ANKIB1: variants seen among roughly 807,000 people sequenced by gnomAD.
The protein encoded by ANKIB1 is ankyrin repeat and IBR domain containing 1.
In ANKIB1, 43 loss-of-function variants were observed where a neutral mutation model predicts 122.1. The observed-to-expected ratio is 0.35, with a 90% CI of 0.28 to 0.45. The LOEUF is 0.45. ANKIB1 is among the 20% of genes least tolerant of loss of function. The pLI is 1.00. For missense variants in ANKIB1, 992 were observed against 1,329.5 expected, an observed-to-expected ratio of 0.75 and a Z score of 3.95; for synonymous variants, 390 against 442.0, an observed-to-expected ratio of 0.88 and a Z score of 1.48.
intron 14 of ANKIB1, 94 bp downstream of exon 14, chr7:92,388,135 A>G (rs1192766472): frequency 2.6e-6 from 3 of 1,162,536 alleles, no homozygotes; most frequent in Non-Finnish European, 3.7e-6. Flanking sequence ...GGAATACATT[A>G]TGTTCATTAG....
At chr7:92,363,784 A>G (rs1585126908) in intron 10 of ANKIB1, among the ~76,000 whole-genome samples, 1 of 152,078 alleles carries the variant, frequency 6.6e-6, no homozygotes, top group Non-Finnish European at 1.5e-5. Context: ...AGCATTTTAG[A>G]TCTACGAGGG....
chr7:92,270,018 A>G (rs1181392358), intron 1 of ANKIB1, among the ~76,000 whole-genome samples: 5 of 133,008 alleles, frequency 3.8e-5, no homozygotes, highest in African/African-American at 1.5e-4. Context: ...AAGTGATCTC[A>G]TTGTTCAATT....
At chr7:92,325,840 T>C (rs562081835) in intron 4 of ANKIB1, 3 of 337,114 alleles carry the variant, frequency 8.9e-6, no homozygotes, top group Admixed American at 7.1e-5. Flanking sequence ...AATGGTCTTT[T>C]GGTAGCAGTA....
intron 3 of ANKIB1, among the ~76,000 whole-genome samples, chr7:92,308,278 G>C (rs917105819): frequency 1.3e-5 from 2 of 152,132 alleles, no homozygotes; most frequent in African/African-American, 2.4e-5. Flanking sequence ...TTAAAAATTT[G>C]TTGATATCTC....
chr7:92,353,354 T>G (rs1342031042), intron 9 of ANKIB1, among the ~76,000 whole-genome samples: 2 of 152,228 alleles, frequency 1.3e-5, no homozygotes, highest in Non-Finnish European at 2.9e-5. Context: ...GGAAAGGATA[T>G]GTAACTCTGA....
At chr7:92,308,164 C>G (rs1466087500) in intron 3 of ANKIB1, among the ~76,000 whole-genome samples, 2 of 151,968 alleles carry the variant, frequency 1.3e-5, no homozygotes, top group African/African-American at 4.8e-5. Context: ...GTCACTGCGC[C>G]CAACCAACGG....
chr7:92,397,878 C>T lies in ANKIB1; in HGVS notation c.2532+19C>T, dbSNP rs373784950. Reference sequence around the variant, plus strand: ...TCTTCAGGTAGCCTTTCTGAACAGCCTCATTGCCTGTGCTTTTACTCTTTC... The same window carrying T: ...TCTTCAGGTAGCCTTTCTGAACAGCTTCATTGCCTGTGCTTTTACTCTTTC... On this transcript the variant is annotated intron_variant, in intron 19 of 19. Coordinates refer to ENST00000265742, the MANE Select transcript of ANKIB1 (RefSeq NM_019004.2). 1.9e-6 allele frequency: 3 copies of T among 1,595,836 alleles called. No individual in the cohort carries two copies. The South Asian group carries it at 3.4e-5, about 18-fold the overall frequency.
At chr7:92,314,946 G>A (rs1802763688) in intron 3 of ANKIB1, among the ~76,000 whole-genome samples, 1 of 152,026 alleles carries the variant, frequency 6.6e-6, no homozygotes, top group South Asian at 2.1e-4. Flanking sequence ...GCAGATGCCA[G>A]GGACATTGTG....
At chr7:92,390,776 A>C (rs1481230173) in intron 15 of ANKIB1, among the ~76,000 whole-genome samples, 2 of 152,190 alleles carry the variant, frequency 1.3e-5, no homozygotes, top group Admixed American at 1.3e-4. Context: ...CAGCACTTTT[A>C]TATAGTCTGC....
In ANKIB1 at chr7:92,253,405, A is replaced by G. The variant is rs141772438; in HGVS notation, c.-91+6886A>G. Among the ~76,000 whole-genome samples, 3 of 152,170 alleles carry G rather than the reference A, an allele frequency of 2.0e-5. No homozygotes were observed. In the East Asian group the frequency reaches 5.8e-4, roughly 29 times the overall value. On this transcript the variant is annotated intron_variant, in intron 1 of 19. Coordinates refer to ENST00000265742, the MANE Select transcript of ANKIB1 (RefSeq NM_019004.2). ...TGCCTCTGTGGAACCACAACCCTTC[A>G]CTGGGCCTATGACTCTGTGCAACTC...
intron 7 of ANKIB1, among the ~76,000 whole-genome samples, chr7:92,349,992 A>G (rs1199907159): frequency 1.3e-5 from 2 of 151,294 alleles, no homozygotes; most frequent in African/African-American, 4.8e-5. Flanking sequence ...CTAGGCAAAG[A>G]GAGACCCCAT....
At position 92,345,011 on chromosome 7, in the gene ANKIB1, G is replaced by C; in HGVS notation, c.1030G>C (p.Glu344Gln). ...TTGTATGTGCAGTATCTCTGTATTT[G>C]AAGACCCTGTGGATATGCCCTGTGG... ...DICMCSISVF[E>Q]DPVDMPCGHD... Residue 344 changes from glutamate (E) to glutamine (Q), a missense_variant, in exon 7 of 20, where the codon GAA becomes CAA. Around this residue, in one of 4 missense-constraint regions of ANKIB1, gnomAD observed 521 missense variants for 777.7 expected, o/e 0.67. Transcript: ENST00000265742. The C allele has an allele frequency of 7.4e-6, 12 of 1,613,364 alleles. No homozygotes were observed. Among genetic ancestry groups the C allele is most frequent in the Non-Finnish European group, 1.0e-5 (12 of 1,179,586 alleles).
rs1037850042 is a variant in ANKIB1, at chr7:92,335,692, A to G, written c.788-7332A>G. On this transcript the variant is annotated intron_variant, in intron 5 of 19. Coordinates refer to ENST00000265742, the MANE Select transcript of ANKIB1 (RefSeq NM_019004.2). ...ACTTTGGCTTTTTTATGCTATTTGA[A>G]TATCTTGTAAATAGCATTTGGTTCA... 3.0e-4 allele frequency among the ~76,000 whole-genome samples: 45 copies of G among 151,848 alleles called. No individual in the cohort carries two copies. In the East Asian group the frequency reaches 3.1e-3, roughly 10 times the overall value.
At chr7:92,350,902 C>T (rs1335951388) in intron 7 of ANKIB1, 48 bp from the exon 8 acceptor site, 2 of 1,517,492 alleles carry the variant, frequency 1.3e-6, no homozygotes, top group Non-Finnish European at 1.8e-6. Flanking sequence ...AATGTATGCA[C>T]AACTTAATAT....
At chr7:92,267,581 A>G (rs1437936355) in intron 1 of ANKIB1, among the ~76,000 whole-genome samples, 1 of 152,192 alleles carries the variant, frequency 6.6e-6, no homozygotes, top group Non-Finnish European at 1.5e-5. Context: ...CTTTGTTTAC[A>G]CTGTGATCAT....
chr7:92,311,760 C>T (rs1802694551), intron 3 of ANKIB1, among the ~76,000 whole-genome samples: 1 of 151,866 alleles, frequency 6.6e-6, no homozygotes, highest in Admixed American at 6.6e-5. Flanking sequence ...ATTAAAACCC[C>T]TTAATTATAG....
chr7:92,300,154 A>G (rs553536887), intron 2 of ANKIB1, among the ~76,000 whole-genome samples: 6 of 152,274 alleles, frequency 3.9e-5, no homozygotes, highest in African/African-American at 1.2e-4. Flanking sequence ...CTAAAATAAT[A>G]TAAGAACTGC....
chr7:92,299,345 T>A (rs1489264505), intron 2 of ANKIB1, among the ~76,000 whole-genome samples: 3 of 152,200 alleles, frequency 2.0e-5, no homozygotes, highest in African/African-American at 7.2e-5. Flanking sequence ...AAAAATTATG[T>A]ATGGGTGAAA....
chr7:92,333,662 G>A (rs1803226527), intron 5 of ANKIB1, among the ~76,000 whole-genome samples: 1 of 152,118 alleles, frequency 6.6e-6, no homozygotes, highest in Non-Finnish European at 1.5e-5. Context: ...AAGGAATTAT[G>A]TCTGGTTTTT....
Sources: gnomAD v4.1 joint callset for allele counts (sites outside exome capture counted in the v4.1 genomes callset) on GRCh38, gnomAD v4.1.1 for gene constraint, gnomAD v4.1.1 regional missense constraint, MANE v1.5 for transcripts, NCBI Gene and HGNC (gene_info 2026-07-23, HGNC 2026-07-21) for gene names.